Variants in ANKRD17 observed in about 807,000 individuals in gnomAD.
The protein encoded by ANKRD17 is ankyrin repeat domain 17.
Under a neutral mutation model 229.7 loss-of-function variants are expected in ANKRD17, and 19 were observed. That is an observed-to-expected ratio of 0.08 (90% CI 0.06 to 0.12). The LOEUF is 0.12. ANKRD17 is among the 10% of genes least tolerant of loss of function. The probability of loss-of-function intolerance (pLI) is 1.00; values close to 1 mark genes in which losing one functional copy is unlikely to be tolerated. For synonymous variants in ANKRD17, 1,112 were observed against 1,146.1 expected (o/e 0.97, Z 0.60); for missense variants, 2,176 against 3,176.8 (o/e 0.68, Z 7.57).
chr4:73,191,050 T>C (rs1312313542), intron 1 of ANKRD17, among the ~76,000 whole-genome samples: 1 of 152,090 alleles, frequency 6.6e-6, no homozygotes, highest in African/African-American at 2.4e-5. Context: ...TTAATGGAAC[T>C]TGACATGTTG....
intron 1 of ANKRD17, among the ~76,000 whole-genome samples, chr4:73,233,845 G>T (rs1222320700): frequency 6.6e-6 from 1 of 152,098 alleles, no homozygotes; most frequent in Non-Finnish European, 1.5e-5. Flanking sequence ...CAACACAGCT[G>T]CTAAGAACTT....
At chr4:73,212,811 T>C (rs1021939379) in intron 1 of ANKRD17, among the ~76,000 whole-genome samples, 1 of 150,950 alleles carries the variant, frequency 6.6e-6, no homozygotes, top group Non-Finnish European at 1.5e-5. Flanking sequence ...AGATCAGGAG[T>C]TCGAGACCAG....
intron 1 of ANKRD17, among the ~76,000 whole-genome samples, chr4:73,216,640 ATCAT>A (rs1741090979): frequency 6.6e-6 from 1 of 152,172 alleles, no homozygotes; most frequent in Non-Finnish European, 1.5e-5. Context: ...TCCTCACAGA[ATCAT>A]TCAGAGGATT....
intron 5 of ANKRD17, 128 bp from the exon 6 acceptor site, chr4:73,154,241 A>G (rs1578208325): frequency 2.4e-6 from 1 of 411,860 alleles, no homozygotes; most frequent in Non-Finnish European, 4.0e-6. Flanking sequence ...ACATATACAT[A>G]TATGTAAATA....
At chr4:73,134,535 T>A (rs1273508755) in intron 16 of ANKRD17, among the ~76,000 whole-genome samples, 1 of 152,156 alleles carries the variant, frequency 6.6e-6, no homozygotes, top group Non-Finnish European at 1.5e-5. Context: ...TAAAAAATTA[T>A]ACTTAATAGC....
chr4:73,240,344 C>T (rs1313870387), intron 1 of ANKRD17, among the ~76,000 whole-genome samples: 1 of 151,874 alleles, frequency 6.6e-6, no homozygotes, highest in Non-Finnish European at 1.5e-5. Flanking sequence ...ACTGACTTGG[C>T]TGGGCACATG....
intron 24 of ANKRD17, among the ~76,000 whole-genome samples, chr4:73,111,899 C>T (rs750442464): frequency 5.9e-5 from 9 of 152,000 alleles, no homozygotes; most frequent in Non-Finnish European, 1.0e-4. Context: ...TAGAGACAAA[C>T]AAGATAATTA....
rs761404486 is a variant in ANKRD17, at chr4:73,161,330, G to A, written c.566C>T (p.Thr189Met). The A allele has an allele frequency of 3.7e-6, 6 of 1,614,088 alleles. No individual in the cohort carries two copies. Among genetic ancestry groups the A allele is most frequent in the East Asian group, 2.2e-5 (1 of 44,884 alleles). Residue 189 changes from threonine (T) to methionine (M), a missense_variant, in exon 3 of 34, where the codon ACG becomes ATG. This residue lies in a region of ANKRD17 where 184 missense variants were observed against 357.8 expected (regional missense o/e 0.51). Transcript: ENST00000358602. Reference sequence around the variant, plus strand: ...ATCTGCAAAGGCTTTACCATCAGCCGTGGACAATTTTCCTATTCCTATTAT... The same window carrying A: ...ATCTGCAAAGGCTTTACCATCAGCCATGGACAATTTTCCTATTCCTATTAT... ...LEAAGIGKLS[T>M]ADGKAFADPE...
rs1244233302 is a variant in ANKRD17 at position 73,091,432 on chromosome 4, C to T, written c.6196G>A (p.Ala2066Thr). 1 of 1,614,050 alleles carries T rather than the reference C, an allele frequency of 6.2e-7. No individual in the cohort carries two copies. The highest frequency in any genetic ancestry group is 1.7e-5 in the Admixed American group (1 of 59,996). ...GAAGATGCCACTTTATTTGGAGATG[C>T]TGATCCACAATCCAAAGGGCTGTTT... ...SRNSPLDCGSASPNKVASSSE... is the reference protein window; with the variant it reads ...SRNSPLDCGSTSPNKVASSSE... The change falls in exon 29 of 34, where the codon GCA becomes ACA. Residue 2066 changes from alanine (A) to threonine (T), a missense_variant. By Grantham distance (58) the Ala-to-Thr change is moderately conservative. Transcript: ENST00000358602.
At chr4:73,165,670 T>A (rs1409670071) in intron 2 of ANKRD17, among the ~76,000 whole-genome samples, 1 of 152,176 alleles carries the variant, frequency 6.6e-6, no homozygotes, top group East Asian at 1.9e-4. Context: ...GACAGCGAGG[T>A]TATCCTGGTG....
intron 1 of ANKRD17, among the ~76,000 whole-genome samples, chr4:73,235,060 T>G (rs956228671): frequency 3.3e-5 from 5 of 152,166 alleles, no homozygotes; most frequent in Non-Finnish European, 2.9e-5. Context: ...TCTTCAAAAT[T>G]TCTTGGTCCT....
rs994785461 is a variant in ANKRD17, at chr4:73,217,466, A to G, written c.394-39933T>C. On this transcript the variant is annotated intron_variant, in intron 1 of 33. Transcript: ENST00000358602. ...TCCTCACTGCAAAATATACAGGTTG[A>G]TCATCCCTAATCTGAAAATTCAAAA... is the stretch of plus-strand genomic sequence containing the variant. 2.0e-5 allele frequency among the ~76,000 whole-genome samples: 3 copies of G among 152,188 alleles called. No homozygotes were observed. The South Asian group carries it at 6.2e-4, about 32-fold the overall frequency.
At chr4:73,193,512 G>C (rs1313250008) in intron 1 of ANKRD17, among the ~76,000 whole-genome samples, 5 of 152,088 alleles carry the variant, frequency 3.3e-5, no homozygotes, top group Non-Finnish European at 7.4e-5. Context: ...CTAGCTTTTG[G>C]TATCTTCTGG....
intron 3 of ANKRD17, among the ~76,000 whole-genome samples, 186 bp downstream of exon 3, chr4:73,161,006 T>C (rs1286800752): frequency 6.6e-6 from 1 of 152,256 alleles, no homozygotes; most frequent in Non-Finnish European, 1.5e-5. Flanking sequence ...ACTTTTCATC[T>C]GTAAAATGGG....
At chr4:73,238,553 C>T (rs1743724735) in intron 1 of ANKRD17, among the ~76,000 whole-genome samples, 2 of 152,106 alleles carry the variant, frequency 1.3e-5, no homozygotes, top group South Asian at 4.1e-4. Context: ...TAACTAGCTA[C>T]ATTCAGGTAA....
chr4:73,204,358 C>CAAAAAAAAAAAAAAAAA (rs374000000), intron 1 of ANKRD17, among the ~76,000 whole-genome samples: 5 of 59,134 alleles, frequency 8.5e-5, no homozygotes, highest in Non-Finnish European at 1.2e-4. Flanking sequence ...GAGACTCCGT[C>CAAAAAAAAAAAAAAAAA]AAAAAAAAAA....
chr4:73,227,350 C>G (rs1484328637), intron 1 of ANKRD17, among the ~76,000 whole-genome samples: 1 of 152,084 alleles, frequency 6.6e-6, no homozygotes, highest in Non-Finnish European at 1.5e-5. Flanking sequence ...GACGGGGTTT[C>G]ATCATGTTGG....
chr4:73,255,549 G>A (rs1289436481), intron 1 of ANKRD17, among the ~76,000 whole-genome samples: 1 of 152,064 alleles, frequency 6.6e-6, no homozygotes, highest in African/African-American at 2.4e-5. Flanking sequence ...AGAAAGTTAG[G>A]CTTCTGCTGA....
chr4:73,139,551 G>A lies in ANKRD17; in HGVS notation c.3065C>T (p.Thr1022Met), dbSNP rs1482633158. ...VASPAQTLND[T>M]LDDIMAAVSG... The stretch of plus-strand genomic sequence containing the variant: ...CCCACCTGCCATGATGTCATCCAGC[G>A]TGTCATTGAGGGTCTGAGCAGGGCT... The change falls in exon 15 of 34, where the codon ACG becomes ATG. Residue 1022 changes from threonine (T) to methionine (M), a missense_variant. Coordinates refer to ENST00000358602, the MANE Select transcript of ANKRD17 (RefSeq NM_032217.5). 10 of 1,613,262 alleles carry A rather than the reference G, an allele frequency of 6.2e-6. No individual in the cohort carries two copies. The highest frequency in any genetic ancestry group is 1.3e-5 in the African/African-American group (1 of 74,898).
Sources: gnomAD v4.1 joint callset for allele counts (sites outside exome capture counted in the v4.1 genomes callset) on GRCh38, gnomAD v4.1.1 for gene constraint, gnomAD v4.1.1 regional missense constraint, MANE v1.5 for transcripts, NCBI Gene and HGNC (gene_info 2026-07-23, HGNC 2026-07-21) for gene names.